The following RYR3 variants were observed in gnomAD, a reference collection of about 807,000 sequenced individuals.
RYR3 encodes brain ryanodine receptor-calcium release channel.
A neutral mutation model predicts 584.3 loss-of-function variants in RYR3; 207 were observed. The observed-to-expected ratio is 0.35, with a 90% CI of 0.32 to 0.40. RYR3 has a LOEUF of 0.40. RYR3 is among the 10% of genes least tolerant of loss of function. The probability of loss-of-function intolerance (pLI) is 1.00; values close to 1 mark genes in which losing one functional copy is unlikely to be tolerated. For missense variants in RYR3, 5,616 were observed against 6,089.2 expected, an observed-to-expected ratio of 0.92 and a Z score of 2.59; for synonymous variants, 2,416 against 2,248.5, an observed-to-expected ratio of 1.07 and a Z score of -2.11.
intron 51 of RYR3, among the ~76,000 whole-genome samples, chr15:33,741,922 C>T (rs1279474853): frequency 2.6e-5 from 4 of 152,164 alleles, no homozygotes; most frequent in South Asian, 4.1e-4. Context: ...CCCCAAAATT[C>T]GAGTATTTTA....
chr15:33,395,896 T>C (rs2042267672), intron 1 of RYR3, among the ~76,000 whole-genome samples: 2 of 152,232 alleles, frequency 1.3e-5, no homozygotes, highest in Non-Finnish European at 2.9e-5. Context: ...TGGCATAGCA[T>C]AGTTGACCCT....
chr15:33,608,240 G>A (rs572684723), intron 18 of RYR3, among the ~76,000 whole-genome samples: 60 of 152,320 alleles, frequency 3.9e-4, no homozygotes, highest in African/African-American at 1.3e-3. Context: ...CAGCAGGTAA[G>A]GGCTTGGGAT....
chr15:33,689,669 T>TA (rs552601342), intron 38 of RYR3, among the ~76,000 whole-genome samples: 1 of 152,172 alleles, frequency 6.6e-6, no homozygotes, highest in African/African-American at 2.4e-5. Flanking sequence ...AAACTTCAGA[T>TA]AAAAAAAGCC....
rs983306200 is a variant in RYR3 at position 33,764,263 on chromosome 15, T to A, written c.8706-4395T>A. Among the ~76,000 whole-genome samples, 97 of 152,130 alleles carry A rather than the reference T, an allele frequency of 6.4e-4. 6 individuals are homozygous for A. Among genetic ancestry groups the A allele is most frequent in the Non-Finnish European group, 5.9e-5 (4 of 68,020 alleles). ...TATGCAGCCATAAAAAAGAATGAGT[T>A]CATGTCCTTTGCAGAGACATGGATG... On this transcript the variant is annotated intron_variant, in intron 60 of 103. Coordinates refer to ENST00000634891, the MANE Select transcript of RYR3 (RefSeq NM_001036.6).
At chr15:33,383,510 C>A (rs1217860044) in intron 1 of RYR3, among the ~76,000 whole-genome samples, 4 of 151,772 alleles carry the variant, frequency 2.6e-5, no homozygotes, top group African/African-American at 9.7e-5. Flanking sequence ...CTGAGTCTTA[C>A]CTTTCAAACT....
At position 33,522,347 on chromosome 15, in the gene RYR3, C is replaced by T. The variant is rs1018736697; in HGVS notation, c.280-8245C>T. On this transcript the variant is annotated intron_variant, in intron 3 of 103. Coordinates refer to ENST00000634891, the MANE Select transcript of RYR3 (RefSeq NM_001036.6). ...TGAAAGATGCCAGGGGTGTCGCCCC[C>T]TTTCAAGCATGTTTCTGTGAAGGAC... 2.6e-5 allele frequency among the ~76,000 whole-genome samples: 4 copies of T among 152,154 alleles called. No homozygotes were observed. The South Asian group carries it at 6.2e-4, about 24-fold the overall frequency.
At chr15:33,689,053 G>T (rs1040807419) in intron 38 of RYR3, among the ~76,000 whole-genome samples, 4 of 151,936 alleles carry the variant, frequency 2.6e-5, no homozygotes, top group African/African-American at 7.3e-5. Context: ...CCATAAAAAA[G>T]GATGAGTTCA....
chr15:33,778,756 G>C (rs1277672895), intron 64 of RYR3, among the ~76,000 whole-genome samples: 1 of 152,244 alleles, frequency 6.6e-6, no homozygotes, highest in Non-Finnish European at 1.5e-5. Flanking sequence ...CTCTGGAGCA[G>C]TCCTGGGTGG....
chr15:33,719,920 A>G (rs888953636), intron 43 of RYR3, among the ~76,000 whole-genome samples: 21 of 152,180 alleles, frequency 1.4e-4, no homozygotes, highest in Non-Finnish European at 2.1e-4. Context: ...CATTATTATG[A>G]TAATTTTACC....
intron 38 of RYR3, among the ~76,000 whole-genome samples, chr15:33,671,829 T>C (rs867885037): frequency 7.1e-4 from 74 of 103,646 alleles, no homozygotes; most frequent in Middle Eastern, 5.9e-3. Context: ...TTTTTTTTTT[T>C]CCTGAGACAG....
intron 17 of RYR3, among the ~76,000 whole-genome samples, chr15:33,602,102 G>T (rs1297552474): frequency 5.3e-5 from 8 of 152,188 alleles, no homozygotes; most frequent in Admixed American, 5.2e-4. Context: ...GACTAGGCAG[G>T]TCTGCGGTTT....
At position 33,854,359 on chromosome 15, in the gene RYR3, TAAGTTTTA is replaced by T. The variant is rs777645911; in HGVS notation, c.13800-27_13800-20del. On this transcript the variant is annotated intron_variant, in intron 96 of 103. Transcript: ENST00000634891. ...GCACTTAACTACCTCTTGACATTTA[TAAGTTTTA>T]AAATCACTTGTTCTTCTCTAGGCTA... 1.4e-5 allele frequency: 22 copies of T among 1,540,236 alleles called. No homozygotes were observed. In the South Asian group the frequency reaches 2.7e-4, roughly 19 times the overall value.
chr15:33,556,530 GA>G (rs1252475102), intron 10 of RYR3, among the ~76,000 whole-genome samples: 2 of 152,104 alleles, frequency 1.3e-5, no homozygotes, highest in African/African-American at 4.8e-5. Context: ...TTTACCACAG[GA>G]CTAACAAGAG....
Position 33,560,917 on chromosome 15 carries a change from TAA to T in RYR3, c.973-1919_973-1918del, listed in dbSNP as rs1364984559. 3.3e-5 allele frequency among the ~76,000 whole-genome samples: 5 copies of T among 152,144 alleles called. 1 individual carries two copies. Among genetic ancestry groups the T allele is most frequent in the Admixed American group, 3.3e-4 (5 of 15,272 alleles). On this transcript the variant is annotated intron_variant, in intron 10 of 103. Transcript: ENST00000634891. ...ATGTTATGTTGCTGCTTGAAAAAAA[TAA>T]GTCATATTTAATAATCCAGCCAATG...
chr15:33,851,246 G>A (rs1208663434), intron 94 of RYR3: 1 of 152,174 alleles, frequency 6.6e-6, no homozygotes, highest in African/African-American at 2.4e-5. Flanking sequence ...TTTCTCTAGA[G>A]TATAGACCCA....
At chr15:33,327,367 G>T (rs1969852427) in intron 1 of RYR3, among the ~76,000 whole-genome samples, 1 of 152,286 alleles carries the variant, frequency 6.6e-6, no homozygotes, top group South Asian at 2.1e-4. Context: ...GGACACAGGG[G>T]CTGTCTTAAA....
intron 1 of RYR3, among the ~76,000 whole-genome samples, chr15:33,385,332 T>G (rs563739328): frequency 6.6e-6 from 1 of 152,342 alleles, no homozygotes; most frequent in Non-Finnish European, 1.5e-5. Flanking sequence ...ATATGTTCTC[T>G]TTGCTAACAA....
At chr15:33,862,109 C>G (rs1888467120) in intron 102 of RYR3, among the ~76,000 whole-genome samples, 1 of 152,176 alleles carries the variant, frequency 6.6e-6, no homozygotes, top group African/African-American at 2.4e-5. Flanking sequence ...TACCTGATAA[C>G]TCAGACCCTG....
At chr15:33,807,812 A>G (rs1036399235) in intron 70 of RYR3, 98 of 557,100 alleles carry the variant, frequency 1.8e-4, no homozygotes, top group Middle Eastern at 9.7e-4. Context: ...TCTCCTTGCT[A>G]TCTCTGCTCC....
Sources: allele counts gnomAD v4.1 joint callset (sites outside exome capture counted in the v4.1 genomes callset), GRCh38; gene constraint gnomAD v4.1.1; transcripts MANE v1.5; gene names NCBI Gene and HGNC (gene_info 2026-07-23, HGNC 2026-07-21).